PIWIL3: variants seen among roughly 807,000 people sequenced by gnomAD.
PIWIL3 encodes the protein piwi-like protein 3.
In PIWIL3, 101 loss-of-function variants were observed where a neutral mutation model predicts 109.7. The ratio of observed to expected loss-of-function variants is 0.92; its 90% CI spans 0.78 to 1.09. The LOEUF (loss-of-function observed/expected upper bound fraction) is 1.09. Ranked by LOEUF, PIWIL3 falls within the 50% of genes least tolerant of loss-of-function variation. The pLI, the probability that PIWIL3 is intolerant of heterozygous loss-of-function variation, is 0.00. For synonymous variants in PIWIL3, 373 were observed against 376.4 expected, an observed-to-expected ratio of 0.99 and a Z score of 0.10; for missense variants, 1,031 against 1,072.6, an observed-to-expected ratio of 0.96 and a Z score of 0.54.
intron 12 of PIWIL3, among the ~76,000 whole-genome samples, chr22:24,744,863 T>C (rs1924260894): frequency 6.6e-6 from 1 of 152,204 alleles, no homozygotes; most frequent in African/African-American, 2.4e-5. Context: ...AATGTTGGCC[T>C]TAACCTGCAC....
chr22:24,733,991 A>G, intron 14 of PIWIL3, 93 bp downstream of exon 14: 1 of 1,412,852 alleles, frequency 7.1e-7, no homozygotes. Flanking sequence ...CAAGTTCAGG[A>G]AACCAACAAC....
intron 1 of PIWIL3, among the ~76,000 whole-genome samples, chr22:24,771,870 A>G (rs904119339): frequency 6.6e-6 from 1 of 151,860 alleles, no homozygotes; most frequent in African/African-American, 2.4e-5. Flanking sequence ...TAATTTTTGT[A>G]TCGTTAGTAG....
At chr22:24,759,804 C>T (rs900593408) in intron 3 of PIWIL3, 65 bp downstream of exon 3, 30 of 1,607,602 alleles carry the variant, frequency 1.9e-5, no homozygotes, top group Middle Eastern at 3.3e-4. Flanking sequence ...AACCTTCTAC[C>T]GCTGTGGTAG....
chr22:24,732,264 T>G (rs1332002137), intron 14 of PIWIL3, among the ~76,000 whole-genome samples: 1 of 152,216 alleles, frequency 6.6e-6, no homozygotes, highest in African/African-American at 2.4e-5. Flanking sequence ...TGCTGGTCTA[T>G]GGAGATTTCC....
At chr22:24,747,202 AAGGAACC>A (rs2147690429) in intron 12 of PIWIL3, among the ~76,000 whole-genome samples, 1 of 152,272 alleles carries the variant, frequency 6.6e-6, no homozygotes, top group African/African-American at 2.4e-5. Flanking sequence ...ATTTTTGACA[AAGGAACC>A]AAGAACATAC....
intron 8 of PIWIL3, 121 bp from the exon 9 acceptor site, chr22:24,751,619 G>A (rs1454941607): frequency 1.4e-6 from 2 of 1,466,884 alleles, no homozygotes; most frequent in Non-Finnish European, 1.8e-6. Flanking sequence ...TACTTAAGAT[G>A]TAATTCACAT....
At chr22:24,747,338 C>A (rs1398642157) in intron 12 of PIWIL3, among the ~76,000 whole-genome samples, 1 of 152,064 alleles carries the variant, frequency 6.6e-6, no homozygotes, top group Non-Finnish European at 1.5e-5. Flanking sequence ...TCCAAGACCT[C>A]AAACTATGAA....
chr22:24,730,586 T>C (rs1923293715), intron 14 of PIWIL3, among the ~76,000 whole-genome samples: 1 of 152,032 alleles, frequency 6.6e-6, no homozygotes, highest in African/African-American at 2.4e-5. Flanking sequence ...GGTCAAATGT[T>C]TGGGTTATCT....
Position 24,761,943 on chromosome 22 carries a change from C to G in PIWIL3, c.102+455G>C, listed in dbSNP as rs9620433. 305 of 986,184 alleles carry G rather than the reference C, an allele frequency of 3.1e-4. 1 individual carries two copies. In the African/African-American group the frequency reaches 5.0e-3, roughly 16 times the overall value. The allele number at this position is 986,184 out of a possible 1,614,324, so 61.1% of individuals were successfully genotyped here. ...CCCTGGAGGTTGTCAGATGGGGCCC[C>G]GCAGCGCCACTATGGATCCTGCTGT... is the stretch of plus-strand genomic sequence containing the variant. On this transcript the variant is annotated intron_variant, in intron 2 of 20. Transcript: ENST00000616349.
intron 14 of PIWIL3, among the ~76,000 whole-genome samples, chr22:24,728,934 G>T (rs745352090): frequency 1.3e-5 from 2 of 152,182 alleles, no homozygotes; most frequent in Non-Finnish European, 2.9e-5. Context: ...GTTAAGGCAG[G>T]TCCACACTAA....
intron 6 of PIWIL3, 146 bp from the exon 7 acceptor site, chr22:24,755,010 G>A (rs996988937): frequency 6.2e-6 from 4 of 645,768 alleles, no homozygotes; most frequent in Non-Finnish European, 1.1e-5. Context: ...TACATGATGA[G>A]GTGGATATTA....
chr22:24,732,546 G>A (rs866127057), intron 14 of PIWIL3, among the ~76,000 whole-genome samples: 3 of 152,166 alleles, frequency 2.0e-5, no homozygotes, highest in Admixed American at 6.5e-5. Context: ...TCTTGAGGCC[G>A]GGTGCGGTGG....
chr22:24,768,738 G>C (rs1299389682), intron 1 of PIWIL3, among the ~76,000 whole-genome samples: 1 of 152,206 alleles, frequency 6.6e-6, no homozygotes, highest in Non-Finnish European at 1.5e-5. Flanking sequence ...GGTGGAGGAG[G>C]CCCAAGGAGA....
intron 1 of PIWIL3, among the ~76,000 whole-genome samples, chr22:24,773,534 G>C (rs999622495): frequency 2.0e-5 from 3 of 152,086 alleles, no homozygotes; most frequent in Non-Finnish European, 2.9e-5. Context: ...CAGGAGCAAA[G>C]AGCCCGCCTT....
intron 19 of PIWIL3, among the ~76,000 whole-genome samples, chr22:24,721,549 A>C (rs1922674705): frequency 6.6e-6 from 1 of 152,126 alleles, no homozygotes; most frequent in Non-Finnish European, 1.5e-5. Context: ...ACATTTTTTC[A>C]TATCTTCCAT....
At chr22:24,744,802 CTT>C (rs1924257322) in intron 12 of PIWIL3, among the ~76,000 whole-genome samples, 1 of 152,156 alleles carries the variant, frequency 6.6e-6, no homozygotes. Flanking sequence ...TAGCTGGAGA[CTT>C]TAACATCCCA....
chr22:24,749,941 G>A, intron 9 of PIWIL3, 122 bp from the exon 10 acceptor site: 1 of 1,320,776 alleles, frequency 7.6e-7, no homozygotes, highest in Non-Finnish European at 1.1e-6. Flanking sequence ...TGGTGATATA[G>A]GTTCCCCAAG....
intron 1 of PIWIL3, among the ~76,000 whole-genome samples, chr22:24,772,934 T>C (rs1261951490): frequency 1.3e-5 from 2 of 152,146 alleles, no homozygotes; most frequent in African/African-American, 4.8e-5. Flanking sequence ...GCTGAGGGCG[T>C]CCTTCTCCCT....
At chr22:24,743,788 T>C (rs925282273) in intron 12 of PIWIL3, among the ~76,000 whole-genome samples, 8 of 152,072 alleles carry the variant, frequency 5.3e-5, no homozygotes, top group African/African-American at 1.9e-4. Context: ...CGTAACTACC[T>C]GTTCCACAAA....
Sources: allele counts gnomAD v4.1 joint callset (sites outside exome capture counted in the v4.1 genomes callset), GRCh38; gene constraint gnomAD v4.1.1; transcripts MANE v1.5; gene names NCBI Gene and HGNC (gene_info 2026-07-23, HGNC 2026-07-21).